Variants in CNTNAP2 observed in about 807,000 individuals in gnomAD.
The protein encoded by CNTNAP2 is contactin associated protein 2.
In CNTNAP2, 98 loss-of-function variants were observed where a neutral mutation model predicts 155.2. That is an observed-to-expected ratio of 0.63 (90% CI 0.54 to 0.75). The LOEUF (loss-of-function observed/expected upper bound fraction) is 0.75. Ranked by LOEUF, CNTNAP2 falls within the 30% of genes least tolerant of loss-of-function variation. CNTNAP2 has a pLI of 0.00. For missense variants in CNTNAP2, 1,727 were observed against 1,688.1 expected (o/e 1.02, Z -0.40); for synonymous variants, 651 against 631.2 (o/e 1.03, Z -0.47).
intron 1 of CNTNAP2, among the ~76,000 whole-genome samples, chr7:146,451,311 G>A (rs1004363344): frequency 9.2e-5 from 14 of 152,106 alleles, no homozygotes; most frequent in Non-Finnish European, 1.5e-5. Flanking sequence ...AATGTTTAGA[G>A]AATCTATGCC....
chr7:146,898,765 C>A (rs1167110260), intron 3 of CNTNAP2, among the ~76,000 whole-genome samples: 1 of 151,726 alleles, frequency 6.6e-6, no homozygotes, highest in Non-Finnish European at 1.5e-5. Context: ...CTTGTTTAAC[C>A]GATTGAGTAC....
intron 13 of CNTNAP2, among the ~76,000 whole-genome samples, chr7:147,649,761 A>C (rs1170002123): frequency 6.6e-6 from 1 of 152,090 alleles, no homozygotes; most frequent in Non-Finnish European, 1.5e-5. Flanking sequence ...AATTCAAAAA[A>C]TTAAAAAACT....
rs538222456 is a variant in CNTNAP2, at chr7:146,469,180, C to G, written c.98-305091C>G. 3.9e-5 allele frequency among the ~76,000 whole-genome samples: 6 copies of G among 152,258 alleles called. No homozygotes were observed. The South Asian group carries it at 1.2e-3, about 32-fold the overall frequency. On this transcript the variant is annotated intron_variant, in intron 1 of 23. Coordinates refer to ENST00000361727, the MANE Select transcript of CNTNAP2 (RefSeq NM_014141.6). ...AGGTGAGCTGCCTTTACCTGTCGCC[C>G]CCTTTGGGGTTCCCTGAGAGTCTGG... is the stretch of plus-strand genomic sequence containing the variant.
At chr7:146,770,150 A>G (rs1802266752) in intron 1 of CNTNAP2, among the ~76,000 whole-genome samples, 1 of 151,906 alleles carries the variant, frequency 6.6e-6, no homozygotes, top group African/African-American at 2.4e-5. Context: ...TGAATTTTAA[A>G]CCATTTTTAT....
chr7:146,949,745 G>A (rs1797269323), intron 3 of CNTNAP2, among the ~76,000 whole-genome samples: 1 of 152,092 alleles, frequency 6.6e-6, no homozygotes, highest in Non-Finnish European at 1.5e-5. Flanking sequence ...ATGTTCTCAT[G>A]GTGCCATTGC....
intron 1 of CNTNAP2, among the ~76,000 whole-genome samples, chr7:146,498,843 A>G (rs1385318908): frequency 1.3e-5 from 2 of 152,196 alleles, no homozygotes; most frequent in Non-Finnish European, 2.9e-5. Flanking sequence ...TTCCAAAAGC[A>G]TGGGTGCTGA....
At chr7:147,799,152 A>T (rs149380179) in intron 13 of CNTNAP2, among the ~76,000 whole-genome samples, 1 of 152,286 alleles carries the variant, frequency 6.6e-6, no homozygotes, top group East Asian at 1.9e-4. Context: ...TCTGTGAGTC[A>T]CTTCTCCTCA....
intron 4 of CNTNAP2, among the ~76,000 whole-genome samples, chr7:147,099,378 T>C (rs1015190124): frequency 5.9e-5 from 9 of 152,172 alleles, no homozygotes; most frequent in East Asian, 3.9e-4. Context: ...TGTCAAAGCA[T>C]TGGAGCACAG....
chr7:147,156,377 A>G (rs1339625132), intron 8 of CNTNAP2, among the ~76,000 whole-genome samples: 2 of 152,230 alleles, frequency 1.3e-5, no homozygotes, highest in African/African-American at 2.4e-5. Flanking sequence ...ATAAACACAG[A>G]AAGATATGCT....
chr7:147,294,758 A>G (rs546604302), intron 8 of CNTNAP2, among the ~76,000 whole-genome samples: 50 of 152,110 alleles, frequency 3.3e-4, no homozygotes, highest in African/African-American at 1.2e-3. Context: ...TCCCGGGTTC[A>G]AGCAATTCTC....
chr7:148,290,419 A>G (rs73464201), intron 21 of CNTNAP2, among the ~76,000 whole-genome samples: 22,357 of 152,234 alleles, frequency 0.15, 2,008 homozygotes, highest in African/African-American at 0.24. Context: ...ATTTCTCTAT[A>G]ATGCTTTAAG....
intron 13 of CNTNAP2, among the ~76,000 whole-genome samples, chr7:147,765,583 A>C (rs1487471314): frequency 6.6e-6 from 1 of 152,150 alleles, no homozygotes; most frequent in Non-Finnish European, 1.5e-5. Context: ...AACAGCAGCA[A>C]GTGCTGGCCA....
At chr7:147,148,019 C>G (rs924859697) in intron 8 of CNTNAP2, among the ~76,000 whole-genome samples, 1 of 152,078 alleles carries the variant, frequency 6.6e-6, no homozygotes, top group Non-Finnish European at 1.5e-5. Context: ...AACAGAGTGC[C>G]CTCACTGTAT....
chr7:146,512,861 G>T (rs751925385), intron 1 of CNTNAP2, among the ~76,000 whole-genome samples: 8 of 151,878 alleles, frequency 5.3e-5, no homozygotes, highest in Non-Finnish European at 1.2e-4. Flanking sequence ...CTGTCTGGAT[G>T]ATCTGTCCAT....
intron 4 of CNTNAP2, among the ~76,000 whole-genome samples, chr7:147,062,392 G>C (rs6973868): frequency 1.3e-5 from 2 of 151,686 alleles, no homozygotes. Context: ...TTAGAGCAGA[G>C]TATGCATGCA....
chr7:147,153,962 G>A (rs557230249), intron 8 of CNTNAP2, among the ~76,000 whole-genome samples: 1 of 152,060 alleles, frequency 6.6e-6, no homozygotes, highest in Non-Finnish European at 1.5e-5. Flanking sequence ...ATTTCCTGAT[G>A]GACTGGATAT....
At chr7:147,938,458 C>T (rs1800656045) in intron 14 of CNTNAP2, among the ~76,000 whole-genome samples, 1 of 152,016 alleles carries the variant, frequency 6.6e-6, no homozygotes, top group Non-Finnish European at 1.5e-5. Flanking sequence ...AATGATGTTG[C>T]ATTAATTGAA....
At chr7:148,135,601 C>A (rs1472250131) in intron 16 of CNTNAP2, among the ~76,000 whole-genome samples, 1 of 151,914 alleles carries the variant, frequency 6.6e-6, no homozygotes, top group African/African-American at 2.4e-5. Flanking sequence ...GTAATCCCAG[C>A]ACTTTGAGAG....
At chr7:146,296,445 T>C (rs760999839) in intron 1 of CNTNAP2, among the ~76,000 whole-genome samples, 26 of 152,130 alleles carry the variant, frequency 1.7e-4, no homozygotes, top group Non-Finnish European at 3.5e-4. Context: ...TCTCCATGTA[T>C]TGACTTGTTG....
Sources: allele counts gnomAD v4.1 joint callset (sites outside exome capture counted in the v4.1 genomes callset), GRCh38; gene constraint gnomAD v4.1.1; transcripts MANE v1.5; gene names NCBI Gene and HGNC (gene_info 2026-07-23, HGNC 2026-07-21).